The following RAP1GDS1 variants were observed in gnomAD, a reference collection of about 807,000 sequenced individuals.
RAP1GDS1 encodes the protein RAP1, GTP-GDP dissociation stimulator 1.
In RAP1GDS1, 35 loss-of-function variants were observed where a neutral mutation model predicts 71.1. The observed-to-expected ratio is 0.49, with a 90% CI of 0.38 to 0.65. The LOEUF is 0.65. Among genes scored for constraint, RAP1GDS1 ranks in the 30% least tolerant of loss-of-function variants. The pLI is 0.00. For missense variants in RAP1GDS1, 663 were observed against 706.1 expected, an observed-to-expected ratio of 0.94 and a Z score of 0.69; for synonymous variants, 229 against 243.1, an observed-to-expected ratio of 0.94 and a Z score of 0.54.
chr4:98,399,505 G>T lies in RAP1GDS1; in HGVS notation c.638-4972G>T, dbSNP rs78436171. Among the ~76,000 whole-genome samples the T allele has an allele frequency of 0.017, 2,570 of 152,124 alleles. 155 individuals carry two copies. The East Asian group carries it at 0.23, about 13-fold the overall frequency. On this transcript the variant is annotated intron_variant, in intron 6 of 14. Transcript: ENST00000408927. ...GACAGGGTTTTACCATGCTTCCCAG[G>T]CTGGTCTTGAACTCCTGGGCTCAAG...
At chr4:98,360,339 G>A (rs958115335) in intron 4 of RAP1GDS1, among the ~76,000 whole-genome samples, 1 of 152,072 alleles carries the variant, frequency 6.6e-6, no homozygotes, top group Non-Finnish European at 1.5e-5. Context: ...AGTCATATAT[G>A]GTTGCCTTCC....
intron 2 of RAP1GDS1, among the ~76,000 whole-genome samples, chr4:98,318,799 A>G: frequency 6.6e-6 from 1 of 152,366 alleles, no homozygotes; most frequent in East Asian, 1.9e-4. Flanking sequence ...ATTCTGAATC[A>G]GATGGAAGTG....
At chr4:98,358,477 A>G (rs1738259466) in intron 4 of RAP1GDS1, among the ~76,000 whole-genome samples, 1 of 152,036 alleles carries the variant, frequency 6.6e-6, no homozygotes, top group Non-Finnish European at 1.5e-5. Context: ...TTTGACTTGA[A>G]TATATTTCCT....
At chr4:98,435,752 TTCTATATTTTACATTTAAG>T (rs1213677096) in intron 13 of RAP1GDS1, among the ~76,000 whole-genome samples, 3 of 152,160 alleles carry the variant, frequency 2.0e-5, no homozygotes, top group African/African-American at 7.2e-5. Flanking sequence ...AATTTTGTAG[TTCTATATTTTACATTTAAG>T]TCTGTAATCC....
At chr4:98,385,654 A>AT (rs1212995721) in intron 5 of RAP1GDS1, among the ~76,000 whole-genome samples, 2 of 151,906 alleles carry the variant, frequency 1.3e-5, no homozygotes, top group African/African-American at 4.8e-5. Flanking sequence ...TTACTAAAAA[A>AT]TTTTTAAGTC....
chr4:98,428,943 C>T (rs1282907722), intron 12 of RAP1GDS1, among the ~76,000 whole-genome samples: 1 of 152,138 alleles, frequency 6.6e-6, no homozygotes, highest in African/African-American at 2.4e-5. Flanking sequence ...CAACCCAATG[C>T]CCATCAGTTA....
chr4:98,418,381 C>T (rs1748314924), intron 9 of RAP1GDS1, among the ~76,000 whole-genome samples: 1 of 152,106 alleles, frequency 6.6e-6, no homozygotes, highest in Non-Finnish European at 1.5e-5. Flanking sequence ...ACATTCTAAC[C>T]ATGTGTTTCT....
chr4:98,339,314 A>G (rs1735152551), intron 2 of RAP1GDS1, among the ~76,000 whole-genome samples: 2 of 152,192 alleles, frequency 1.3e-5, no homozygotes, highest in Non-Finnish European at 2.9e-5. Context: ...CACAGATACT[A>G]TTTTAAAGTA....
At chr4:98,429,911 T>C (rs1208329836) in intron 12 of RAP1GDS1, among the ~76,000 whole-genome samples, 3 of 151,922 alleles carry the variant, frequency 2.0e-5, no homozygotes, top group African/African-American at 7.3e-5. Flanking sequence ...CTAACAGAAT[T>C]ACATAACCAA....
chr4:98,386,175 C>T (rs1476568055), intron 5 of RAP1GDS1, among the ~76,000 whole-genome samples: 1 of 151,308 alleles, frequency 6.6e-6, no homozygotes. Flanking sequence ...TTCATTGTAA[C>T]AAAAGTTGAT....
In RAP1GDS1 at chr4:98,288,544, C is replaced by A. The variant is rs181633903; in HGVS notation, c.5-4864C>A. Among the ~76,000 whole-genome samples the A allele has an allele frequency of 3.8e-3, 578 of 152,234 alleles. 5 individuals carry two copies. Among genetic ancestry groups the A allele is most frequent in the African/African-American group, 0.013 (552 of 41,530 alleles). On this transcript the variant is annotated intron_variant, in intron 1 of 14. Transcript: ENST00000408927. ...TGATTTATAATCCTTTGGGTATATACCCAGTAATGGGATTGCTGGGTCAAG... is the reference window on the plus strand; with the variant it reads ...TGATTTATAATCCTTTGGGTATATAACCAGTAATGGGATTGCTGGGTCAAG...
chr4:98,307,278 T>C lies in RAP1GDS1; in HGVS notation c.112+13763T>C, dbSNP rs560308315. On this transcript the variant is annotated intron_variant, in intron 2 of 14. Transcript: ENST00000408927. ...GTCCCATTAATCTGTTTGTCTAATA[T>C]TGTGCTGTTACCTTACCATGCTATT... 1.7e-4 allele frequency among the ~76,000 whole-genome samples: 26 copies of C among 152,164 alleles called. No homozygotes were observed. The South Asian group carries it at 4.6e-3, about 27-fold the overall frequency.
At position 98,304,561 on chromosome 4, in the gene RAP1GDS1, C is replaced by T. The variant is rs560764146; in HGVS notation, c.112+11046C>T. On this transcript the variant is annotated intron_variant, in intron 2 of 14. Coordinates refer to ENST00000408927, the MANE Select transcript of RAP1GDS1 (RefSeq NM_001100427.2). ...TGGGGTTGTTTTTTTCTTGTAAATT[C>T]GTTTGTAGTTCCTTGTAAATTCTGG... Among the ~76,000 whole-genome samples, 11 of 151,884 alleles carry T rather than the reference C, an allele frequency of 7.2e-5. No individual in the cohort carries two copies. The South Asian group carries it at 2.3e-3, about 32-fold the overall frequency.
intron 5 of RAP1GDS1, 199 bp downstream of exon 5, chr4:98,379,362 A>G: frequency 1.8e-6 from 1 of 545,860 alleles, no homozygotes; most frequent in Non-Finnish European, 2.9e-6. Context: ...CTAATTTTTG[A>G]AGGGCTGCCA....
chr4:98,337,843 G>A (rs1211510722), intron 2 of RAP1GDS1, among the ~76,000 whole-genome samples: 3 of 152,148 alleles, frequency 2.0e-5, no homozygotes, highest in Non-Finnish European at 4.4e-5. Context: ...TGGCTAGAGT[G>A]TAGGATGTCC....
intron 4 of RAP1GDS1, among the ~76,000 whole-genome samples, chr4:98,359,185 C>G (rs919879984): frequency 2.0e-5 from 3 of 152,098 alleles, no homozygotes; most frequent in Non-Finnish European, 2.9e-5. Context: ...AAAAACCTAA[C>G]AGCCCTAAAA....
At chr4:98,321,302 AC>A in intron 2 of RAP1GDS1, among the ~76,000 whole-genome samples, 1 of 149,688 alleles carries the variant, frequency 6.7e-6, no homozygotes, top group Middle Eastern at 3.4e-3. Context: ...TGATTGGTGT[AC>A]CTGAAAGTGA....
At position 98,336,823 on chromosome 4, in the gene RAP1GDS1, C is replaced by T. The variant is rs76702377; in HGVS notation, c.113-6316C>T. 3.3e-5 allele frequency among the ~76,000 whole-genome samples: 5 copies of T among 152,146 alleles called. No individual in the cohort carries two copies. In the South Asian group the frequency reaches 1.0e-3, roughly 32 times the overall value. ...TAATTTCTCATTTTTCTGGCCCTTA[C>T]ATTAAGCTACTTATATTCAGCATAT... On this transcript the variant is annotated intron_variant, in intron 2 of 14. Coordinates refer to ENST00000408927, the MANE Select transcript of RAP1GDS1 (RefSeq NM_001100427.2).
In RAP1GDS1 at chr4:98,272,738, G is replaced by A. The variant is rs189461946; in HGVS notation, c.4+11169G>A. On this transcript the variant is annotated intron_variant, in intron 1 of 14. Transcript: ENST00000408927. ...AAGTTTGGCTTTGGGAAGTGCTTTG[G>A]AGCTTCTTGGTCCAATCACTGAACT... 7.0e-3 allele frequency among the ~76,000 whole-genome samples: 1,060 copies of A among 152,064 alleles called. 10 individuals are homozygous for A. The highest frequency in any genetic ancestry group is 0.011 in the Non-Finnish European group (772 of 67,960).
Sources: gnomAD v4.1 joint callset for allele counts (sites outside exome capture counted in the v4.1 genomes callset) on GRCh38, gnomAD v4.1.1 for gene constraint, MANE v1.5 for transcripts, NCBI Gene and HGNC (gene_info 2026-07-23, HGNC 2026-07-21) for gene names.